The following LNX1 variants were observed in gnomAD, a reference collection of about 807,000 sequenced individuals.
The protein encoded by LNX1 is ligand of numb-protein X 1, also known as E3 ubiquitin-protein ligase LNX.
A neutral mutation model predicts 68.4 loss-of-function variants in LNX1; 54 were observed. That is an observed-to-expected ratio of 0.79 (90% CI 0.63 to 0.99). The LOEUF (loss-of-function observed/expected upper bound fraction) is 0.99. Ranked by LOEUF, LNX1 falls within the 50% of genes least tolerant of loss-of-function variation. The pLI is 0.00. For missense variants in LNX1, 906 were observed against 926.4 expected, an observed-to-expected ratio of 0.98 and a Z score of 0.29; for synonymous variants, 336 against 350.0, an observed-to-expected ratio of 0.96 and a Z score of 0.45.
chr4:53,494,089 AT>A, intron 6 of LNX1, among the ~76,000 whole-genome samples: 1 of 152,236 alleles, frequency 6.6e-6, no homozygotes, highest in South Asian at 2.1e-4. Context: ...CCCCACCCAA[AT>A]CTCATCTTGA....
At chr4:53,571,196 T>A (rs1420633646) in intron 2 of LNX1, among the ~76,000 whole-genome samples, 1 of 151,892 alleles carries the variant, frequency 6.6e-6, no homozygotes, top group African/African-American at 2.4e-5. Flanking sequence ...ATTTTTATAT[T>A]TTTAGTAGAG....
intron 2 of LNX1, among the ~76,000 whole-genome samples, chr4:53,554,899 G>A (rs180962102): frequency 7.2e-5 from 11 of 151,860 alleles, no homozygotes; most frequent in African/African-American, 1.9e-4. Context: ...ATTTGACTTT[G>A]AGAAACCTGG....
At chr4:53,523,665 T>C (rs537775219) in intron 2 of LNX1, among the ~76,000 whole-genome samples, 1 of 152,368 alleles carries the variant, frequency 6.6e-6, no homozygotes, top group African/African-American at 2.4e-5. Flanking sequence ...ACTAGGAGAC[T>C]AGGGATTTTT....
intron 2 of LNX1, among the ~76,000 whole-genome samples, chr4:53,546,779 G>A (rs1387975403): frequency 1.3e-5 from 2 of 152,178 alleles, no homozygotes; most frequent in Non-Finnish European, 2.9e-5. Flanking sequence ...GCTGCAGTGT[G>A]AGGGCAGCAA....
chr4:53,592,190 T>C (rs1732540898), upstream of LNX1, among the ~76,000 whole-genome samples: 1 of 151,668 alleles, frequency 6.6e-6, no homozygotes, highest in South Asian at 2.1e-4. Flanking sequence ...GCAGTTACAG[T>C]GCACTGCAGG....
intron 1 of LNX1, among the ~76,000 whole-genome samples, chr4:53,623,355 C>T (rs1214375883): frequency 6.6e-6 from 1 of 151,918 alleles, no homozygotes; most frequent in African/African-American, 2.4e-5. Flanking sequence ...CCTCAGCTTC[C>T]CAAGTAGCTG....
At chr4:53,596,933 G>A (rs1027758402) in intron 2 of LNX1, among the ~76,000 whole-genome samples, 9 of 152,038 alleles carry the variant, frequency 5.9e-5, no homozygotes, top group Admixed American at 2.0e-4. Flanking sequence ...TTATTCATTC[G>A]GATTTTTCAT....
intron 2 of LNX1, among the ~76,000 whole-genome samples, chr4:53,557,720 A>G (rs1170998416): frequency 6.7e-6 from 1 of 149,686 alleles, no homozygotes; most frequent in Non-Finnish European, 1.5e-5. Context: ...ACAGCTAAGC[A>G]TGCCGTTTTA....
chr4:53,639,003 CA>C (rs1342319400), intron 1 of LNX1, among the ~76,000 whole-genome samples: 2 of 152,110 alleles, frequency 1.3e-5, no homozygotes, highest in Non-Finnish European at 2.9e-5. Context: ...CAAAAGAAAA[CA>C]AACTGTTCTA....
chr4:53,541,237 TAAC>T (rs376160229), intron 2 of LNX1, among the ~76,000 whole-genome samples: 5 of 151,632 alleles, frequency 3.3e-5, no homozygotes, highest in Non-Finnish European at 7.4e-5. Context: ...TGGGTGGAGG[TAAC>T]AACCAAGTTA....
chr4:53,496,967 G>C (rs1725114549), intron 5 of LNX1, among the ~76,000 whole-genome samples: 1 of 152,206 alleles, frequency 6.6e-6, no homozygotes, highest in Admixed American at 6.5e-5. Context: ...GTGATACTGT[G>C]TGTGTGCGGA....
intron 1 of LNX1, chr4:53,579,142 G>T: frequency 3.0e-6 from 1 of 338,324 alleles, no homozygotes. Flanking sequence ...GAATGTATCA[G>T]CCATCAGCAT....
intron 9 of LNX1, among the ~76,000 whole-genome samples, 187 bp downstream of exon 9, chr4:53,476,566 C>T (rs1015067311): frequency 2.6e-5 from 4 of 152,170 alleles, no homozygotes; most frequent in African/African-American, 9.7e-5. Context: ...TTTGTCTTTG[C>T]CCTAGAATGT....
chr4:53,637,456 T>G (rs936643055), intron 1 of LNX1, among the ~76,000 whole-genome samples: 5 of 152,030 alleles, frequency 3.3e-5, no homozygotes. Context: ...AGTAAGAAAA[T>G]ACAGTCATGA....
Position 53,566,280 on chromosome 4 carries a change from T to C in LNX1, c.380+7343A>G, listed in dbSNP as rs1201936415. Among the ~76,000 whole-genome samples, 14 of 151,396 alleles carry C rather than the reference T, an allele frequency of 9.2e-5. No homozygotes were observed. The South Asian group carries it at 2.9e-3, about 32-fold the overall frequency. On this transcript the variant is annotated intron_variant, in intron 2 of 10. Transcript: ENST00000263925. ...CGGGTTACCCTCAAAGGGAAGCCCATCAGACTAACAGCGGATCTCTCTGCA... is the reference window on the plus strand; with the variant it reads ...CGGGTTACCCTCAAAGGGAAGCCCACCAGACTAACAGCGGATCTCTCTGCA...
intron 2 of LNX1, among the ~76,000 whole-genome samples, chr4:53,610,605 G>A (rs1248375708): frequency 1.3e-5 from 2 of 151,654 alleles, no homozygotes; most frequent in South Asian, 2.1e-4. Flanking sequence ...CTGCTCGCGA[G>A]GCTGAGGCAG....
At chr4:53,646,946 A>C (rs1187518750) in intron 1 of LNX1, among the ~76,000 whole-genome samples, 1 of 152,250 alleles carries the variant, frequency 6.6e-6, no homozygotes, top group African/African-American at 2.4e-5. Context: ...CTGTGTGTTT[A>C]GAAGTGGAGG....
At chr4:53,543,282 C>G (rs1413793096) in intron 2 of LNX1, among the ~76,000 whole-genome samples, 1 of 152,196 alleles carries the variant, frequency 6.6e-6, no homozygotes, top group Admixed American at 6.5e-5. Context: ...TCCTTACCTG[C>G]TTTATTTATT....
chr4:53,466,464 C>CA lies in LNX1; in HGVS notation c.1893-4872dup, dbSNP rs1469522450. On this transcript the variant is annotated intron_variant, in intron 9 of 10. Coordinates refer to ENST00000263925, the MANE Select transcript of LNX1 (RefSeq NM_001126328.3). ...GCATTTCCAACTGAGATACTGGGTT[C>CA]ATCTCACTAGGGAGTGCCAGACGGT... Among the ~76,000 whole-genome samples, 3 of 152,214 alleles carry CA rather than the reference C, an allele frequency of 2.0e-5. No individual in the cohort carries two copies. In the South Asian group the frequency reaches 6.2e-4, roughly 32 times the overall value.
Sources: allele counts gnomAD v4.1 joint callset (sites outside exome capture counted in the v4.1 genomes callset), GRCh38; gene constraint gnomAD v4.1.1; transcripts MANE v1.5; gene names NCBI Gene and HGNC (gene_info 2026-07-23, HGNC 2026-07-21).